The following YIPF1 variants were observed in gnomAD, a reference collection of about 807,000 sequenced individuals.
YIPF1 encodes the protein protein YIPF1.
YIPF1 carries 22 observed loss-of-function variants against 37.0 expected under a neutral mutation model. That is an observed-to-expected ratio of 0.59 (90% CI 0.42 to 0.85). The LOEUF (loss-of-function observed/expected upper bound fraction) is 0.85, where lower values mean the gene tolerates loss of function less well. Among genes scored for constraint, YIPF1 ranks in the 40% least tolerant of loss-of-function variants. The probability of loss-of-function intolerance (pLI) is 0.00; values close to 1 mark genes in which losing one functional copy is unlikely to be tolerated. For missense variants in YIPF1, 355 were observed against 373.1 expected (o/e 0.95, Z 0.40); for synonymous variants, 128 against 131.9 (o/e 0.97, Z 0.21).
chr1:53,871,659 A>C (rs1308583702), intron 6 of YIPF1, among the ~76,000 whole-genome samples, 171 bp from the exon 7 acceptor site: 2 of 152,142 alleles, frequency 1.3e-5, no homozygotes, highest in Admixed American at 1.3e-4. Context: ...TCAAACACAC[A>C]TCTCAGTAAT....
At chr1:53,878,932 G>A (rs1382430763) in intron 4 of YIPF1, among the ~76,000 whole-genome samples, 1 of 152,070 alleles carries the variant, frequency 6.6e-6, no homozygotes, top group Non-Finnish European at 1.5e-5. Flanking sequence ...ACACCAAAAG[G>A]GTTCAAATCC....
intron 4 of YIPF1, among the ~76,000 whole-genome samples, chr1:53,879,855 G>A (rs1396124098): frequency 6.6e-6 from 1 of 152,160 alleles, no homozygotes; most frequent in Admixed American, 6.5e-5. Context: ...GACTGACTAG[G>A]CAAGTAGCTC....
At chr1:53,871,012 CA>C (rs57949076) in intron 7 of YIPF1, among the ~76,000 whole-genome samples, 24,831 of 65,736 alleles carry the variant, frequency 0.38, 1,609 homozygotes, top group East Asian at 0.48. Flanking sequence ...GTCACTGTCT[CA>C]AAAAAAAAAA....
intron 10 of YIPF1, among the ~76,000 whole-genome samples, chr1:53,859,687 GAAAAAGA>G (rs1221367095): frequency 1.3e-5 from 2 of 151,698 alleles, no homozygotes; most frequent in East Asian, 1.9e-4. Context: ...AAGAAAGTAA[GAAAAAGA>G]AAAAAGAAAA....
chr1:53,871,913 C>G (rs527340067), intron 6 of YIPF1, among the ~76,000 whole-genome samples: 66 of 151,972 alleles, frequency 4.3e-4, no homozygotes, highest in African/African-American at 1.5e-3. Flanking sequence ...TCAGACAGAG[C>G]TTGTGCAGCA....
chr1:53,875,327 C>A (rs1319603355), intron 6 of YIPF1, among the ~76,000 whole-genome samples: 2 of 152,142 alleles, frequency 1.3e-5, no homozygotes, highest in Non-Finnish European at 2.9e-5. Context: ...CCAGCCTGGA[C>A]AACATAGTGA....
At chr1:53,873,793 A>T (rs942693830) in intron 6 of YIPF1, among the ~76,000 whole-genome samples, 3 of 152,142 alleles carry the variant, frequency 2.0e-5, no homozygotes, top group Non-Finnish European at 2.9e-5. Flanking sequence ...CAGGAGTTCA[A>T]GACCAGCCTG....
At chr1:53,869,158 TCTCACA>T (rs1288525851) in intron 7 of YIPF1, among the ~76,000 whole-genome samples, 66 of 121,290 alleles carry the variant, frequency 5.4e-4, no homozygotes, top group East Asian at 8.4e-4. Flanking sequence ...TCTCTCTCTC[TCTCACA>T]CACACACACA....
Position 53,866,846 on chromosome 1 carries a change from T to C in YIPF1, c.560A>G (p.Asn187Ser). 1 of 1,614,210 alleles carries C rather than the reference T, an allele frequency of 6.2e-7. No individual in the cohort carries two copies. The highest frequency in any genetic ancestry group is 2.2e-5 in the East Asian group (1 of 44,892). ...LALWGFLMWR[N>S]SKVMNIVSYS... ...GGAGACGATGTTCATAACTTTGCTG[T>C]TTCTCCACATGAGGAAACCCCAGAG... Residue 187 changes from asparagine (N) to serine (S), a missense_variant, in exon 8 of 11, where the codon AAC (asparagine) becomes AGC (serine). Asn to Ser is a conservative substitution (Grantham distance 46, BLOSUM62 1). Coordinates refer to ENST00000072644, the MANE Select transcript of YIPF1 (RefSeq NM_018982.5).
At chr1:53,869,413 T>A (rs1331216926) in intron 7 of YIPF1, among the ~76,000 whole-genome samples, 1 of 152,172 alleles carries the variant, frequency 6.6e-6, no homozygotes, top group East Asian at 1.9e-4. Context: ...TTTTTATATA[T>A]ATTAACTCTT....
In YIPF1 at chr1:53,867,725, T is replaced by C. The variant is rs145171711; in HGVS notation, c.482-801A>G. On this transcript the variant is annotated intron_variant, in intron 7 of 10. Coordinates refer to ENST00000072644, the MANE Select transcript of YIPF1 (RefSeq NM_018982.5). ...TGGGTAGAGATTAACTTGCTCTGCA[T>C]GCTCTCTAGAGTTCCTCTGTCTCTG... Among the ~76,000 whole-genome samples, 695 of 152,346 alleles carry C rather than the reference T, an allele frequency of 4.6e-3. 5 individuals are homozygous for C. Among genetic ancestry groups the C allele is most frequent in the Non-Finnish European group, 4.1e-3 (278 of 68,022 alleles).
chr1:53,883,176 T>A lies in YIPF1; in HGVS notation c.132A>T (p.Pro44=). 1 of 1,603,510 alleles carries A rather than the reference T, an allele frequency of 6.2e-7. No individual in the cohort carries two copies. Among genetic ancestry groups the A allele is most frequent in the Non-Finnish European group, 8.5e-7 (1 of 1,175,692 alleles). The change falls in exon 4 of 11, where the codon CCA becomes CCT. Residue 44 remains proline, a synonymous_variant. Transcript: ENST00000072644. The part of the protein sequence containing the change: ...GETPKHQPGS[P]RGSGREEDDE... ...CATCTTCTTCTCTTCCTGAGCCTCT[T>A]GGGGATCCTGGCTGATGTTTTGGGG...
chr1:53,866,763 TGGGGATATAAATGAA>T lies in YIPF1; in HGVS notation c.628_642del (p.Phe210_Pro214del). ...TCCCTAAGTATGGTACTTACTGCGGTGGGGATATAAATGAAGAGGGAATATCCATAGACACACACA... is the reference window on the plus strand; with the variant it reads ...TCCCTAAGTATGGTACTTACTGCGGTGAGGGAATATCCATAGACACACACA... On this transcript the variant is annotated inframe_deletion, in exon 8 of 11. Coordinates refer to ENST00000072644, the MANE Select transcript of YIPF1 (RefSeq NM_018982.5). 1 of 1,613,046 alleles carries T rather than the reference TGGGGATATAAATGAA, an allele frequency of 6.2e-7. No individual in the cohort carries two copies. Among genetic ancestry groups the T allele is most frequent in the African/African-American group, 1.3e-5 (1 of 75,006 alleles).
chr1:53,854,478 T>C (rs1410765363), intron 10 of YIPF1, among the ~76,000 whole-genome samples: 4 of 152,192 alleles, frequency 2.6e-5, no homozygotes, highest in South Asian at 2.1e-4. Flanking sequence ...CTGACCATTT[T>C]TGGCTCCCCA....
intron 3 of YIPF1, 34 bp from the exon 4 acceptor site, chr1:53,883,310 C>T (rs775179536): frequency 6.7e-7 from 1 of 1,497,226 alleles, no homozygotes; most frequent in Non-Finnish European, 8.9e-7. Flanking sequence ...GCCTCAGAAA[C>T]CTTACCCACA....
chr1:53,854,909 T>C (rs1649682834), intron 10 of YIPF1: 1 of 151,742 alleles, frequency 6.6e-6, no homozygotes, highest in Non-Finnish European at 1.5e-5. Context: ...GAACTCTCAG[T>C]CTATGAAGTT....
chr1:53,875,682 G>A (rs1002091559), intron 6 of YIPF1, among the ~76,000 whole-genome samples: 2 of 152,058 alleles, frequency 1.3e-5, no homozygotes, highest in Admixed American at 6.5e-5. Flanking sequence ...TCATCCAGTC[G>A]CAATAGCCTC....
intron 4 of YIPF1, among the ~76,000 whole-genome samples, chr1:53,882,048 A>G (rs567184956): frequency 5.3e-4 from 80 of 152,334 alleles, no homozygotes; most frequent in Non-Finnish European, 9.6e-4. Context: ...GAATGAGATC[A>G]TGTCCTTTGC....
intron 8 of YIPF1, 121 bp from the exon 9 acceptor site, chr1:53,866,503 T>C: frequency 8.8e-7 from 1 of 1,133,094 alleles, no homozygotes; most frequent in East Asian, 2.6e-5. Flanking sequence ...CACTCTGGTT[T>C]TTCAGTACAG....
Sources: allele counts gnomAD v4.1 joint callset (sites outside exome capture counted in the v4.1 genomes callset), GRCh38; gene constraint gnomAD v4.1.1; transcripts MANE v1.5; gene names NCBI Gene and HGNC (gene_info 2026-07-23, HGNC 2026-07-21).